Variants in ANKRD36 observed in about 807,000 individuals in gnomAD.
The protein encoded by ANKRD36 is ankyrin repeat domain 36.
A neutral mutation model predicts 278.1 loss-of-function variants in ANKRD36; 179 were observed. That is an observed-to-expected ratio of 0.64 (90% CI 0.57 to 0.73). ANKRD36 has a LOEUF of 0.73. Among genes scored for constraint, ANKRD36 ranks in the 30% least tolerant of loss-of-function variants. The pLI, the probability that ANKRD36 is intolerant of heterozygous loss-of-function variation, is 0.00. For synonymous variants in ANKRD36, 320 were observed against 641.1 expected (o/e 0.50, Z 7.57); for missense variants, 1,159 against 1,956.7 (o/e 0.59, Z 7.69).
At position 97,113,875 on chromosome 2, in the gene ANKRD36, G is replaced by T; in HGVS notation, c.136G>T (p.Glu46Ter). 6.2e-7 allele frequency: 1 copy of T among 1,613,174 alleles called. No individual in the cohort carries two copies. The highest frequency in any genetic ancestry group is 8.5e-7 in the Non-Finnish European group (1 of 1,180,000). ...IHRAVLHGNL[E>*]KLKYLLLTYY... ...CAGAGCTGTCTTACATGGTAATCTA[G>T]AGAAACTGAAGTACCTTCTGCTCAC... Residue 46 changes from glutamate (E) to a stop codon, truncating the protein, a stop_gained, in exon 1 of 76, where the codon GAG (glutamate) becomes TAG (stop). Transcript: ENST00000420699. LOFTEE classifies it high-confidence loss of function.
chr2:97,183,424 C>T (rs1323289618), intron 26 of ANKRD36, 35 bp from the exon 27 acceptor site: 6 of 1,531,888 alleles, frequency 3.9e-6, no homozygotes, highest in South Asian at 2.4e-5. Context: ...GTCATATTTA[C>T]ATATGATGGA....
chr2:97,209,939 A>C (rs2063942856), intron 56 of ANKRD36, 67 bp downstream of exon 56: 5 of 1,520,028 alleles, frequency 3.3e-6, no homozygotes, highest in Non-Finnish European at 4.4e-6. Context: ...TTCCCTGAAT[A>C]AATCAGCGGA....
At chr2:97,199,771 T>G (rs2060797538) in intron 44 of ANKRD36, among the ~76,000 whole-genome samples, 1 of 151,892 alleles carries the variant, frequency 6.6e-6, no homozygotes, top group African/African-American at 2.4e-5. Flanking sequence ...ATAATGAATA[T>G]TATGTACTAG....
chr2:97,243,348 A>G (rs1288175116), intron 69 of ANKRD36, among the ~76,000 whole-genome samples: 81 of 136,056 alleles, frequency 6.0e-4, no homozygotes, highest in African/African-American at 1.9e-3. Flanking sequence ...AGTTTATTTG[A>G]AGACCTGGGA....
intron 38 of ANKRD36, among the ~76,000 whole-genome samples, chr2:97,194,430 CA>C (rs1238883597): frequency 6.6e-6 from 1 of 151,620 alleles, no homozygotes; most frequent in Non-Finnish European, 1.5e-5. Flanking sequence ...TTTTAGATCA[CA>C]TTTGTCCTCA....
Position 97,207,832 on chromosome 2 carries a change from G to T in ANKRD36, c.3185G>T (p.Gly1062Val), listed in dbSNP as rs1015241178. ...SRTVSSEKPS[G>V]LKATSAEKDS... ...TCAGTGTCTTCTGAGAAACCATCAGGCTTGAAGGTAATGAAACTGTCATTT... is the reference window on the plus strand; with the variant it reads ...TCAGTGTCTTCTGAGAAACCATCAGTCTTGAAGGTAATGAAACTGTCATTT... The change falls in exon 53 of 76, where the codon GGC (glycine) becomes GTC (valine). Residue 1062 changes from glycine to valine, a missense_variant. Transcript: ENST00000420699. 2.3e-5 allele frequency: 35 copies of T among 1,546,486 alleles called. 1 individual carries two copies. The highest frequency in any genetic ancestry group is 7.9e-5 in the Admixed American group (4 of 50,922).
At position 97,179,638 on chromosome 2, in the gene ANKRD36, G is replaced by T. The variant is rs549545553; in HGVS notation, c.1634-100G>T. On this transcript the variant is annotated intron_variant, in intron 22 of 75. Transcript: ENST00000420699. Reference sequence around the variant, plus strand: ...TCAAAGCCTACAGTAATACAGGCAGGAGTACAAAACTTGATGCTAACATGC... The same window carrying T: ...TCAAAGCCTACAGTAATACAGGCAGTAGTACAAAACTTGATGCTAACATGC... The T allele has an allele frequency of 4.1e-5, 61 of 1,480,614 alleles. 1 individual carries two copies. In the African/African-American group the frequency reaches 6.0e-4, roughly 15 times the overall value. The allele number at this position is 1,480,614 out of a possible 1,614,324, so 91.7% of individuals were successfully genotyped here.
rs578053559 is a variant in ANKRD36 at position 97,152,600 on chromosome 2, A to T, written c.1193+66A>T. On this transcript the variant is annotated intron_variant, in intron 14 of 75. Coordinates refer to ENST00000420699, the MANE Select transcript of ANKRD36 (RefSeq NM_001354587.1). ...GTGAATAGAGAGAAGAGAAACTAGT[A>T]TTTGTTTAGTATTCTACTCTGTGCT... 8.8e-5 allele frequency: 118 copies of T among 1,344,256 alleles called. 6 individuals carry two copies. Among genetic ancestry groups the T allele is most frequent in the Admixed American group, 5.1e-4 (24 of 46,622 alleles). 83.3% of individuals were successfully genotyped at this position (1,344,256 alleles called of 1,614,324 possible).
chr2:97,184,737 C>T (rs1399120649), intron 28 of ANKRD36, among the ~76,000 whole-genome samples: 1 of 151,688 alleles, frequency 6.6e-6, no homozygotes, highest in Non-Finnish European at 1.5e-5. Context: ...TATTCCACCA[C>T]ATGTGTATGA....
chr2:97,193,331 C>T (rs1338604482), intron 38 of ANKRD36, among the ~76,000 whole-genome samples: 1 of 135,830 alleles, frequency 7.4e-6, no homozygotes, highest in East Asian at 2.0e-4. Flanking sequence ...CATAATTTTA[C>T]TTTAATTCTC....
At chr2:97,154,355 A>G (rs2046917234) in intron 14 of ANKRD36, among the ~76,000 whole-genome samples, 1 of 148,916 alleles carries the variant, frequency 6.7e-6, no homozygotes, top group South Asian at 2.1e-4. Flanking sequence ...AGGGTAGATA[A>G]TTTATAAGGA....
intron 40 of ANKRD36, among the ~76,000 whole-genome samples, chr2:97,196,027 A>G (rs768951126): frequency 1.4e-4 from 22 of 151,936 alleles, no homozygotes; most frequent in Admixed American, 3.9e-4. Flanking sequence ...AGAGATAATG[A>G]ATATTATGTA....
intron 38 of ANKRD36, 21 bp from the exon 39 acceptor site, chr2:97,194,705 T>A (rs764596086): frequency 2.7e-5 from 44 of 1,604,362 alleles, no homozygotes; most frequent in Non-Finnish European, 3.0e-5. Flanking sequence ...TGAGTGATTA[T>A]GTATCCCTTT....
At chr2:97,135,938 A>AT (rs1342329271) in intron 6 of ANKRD36, among the ~76,000 whole-genome samples, 1 of 151,698 alleles carries the variant, frequency 6.6e-6, no homozygotes, top group African/African-American at 2.4e-5. Context: ...CTTCAACCCC[A>AT]TTTTCTGTCA....
chr2:97,196,839 G>A, intron 42 of ANKRD36, 51 bp downstream of exon 42: 1 of 1,541,114 alleles, frequency 6.5e-7, no homozygotes, highest in Non-Finnish European at 8.7e-7. Flanking sequence ...TAGATAAGAA[G>A]TTCTCTTCCC....
chr2:97,202,503 A>C, intron 48 of ANKRD36, 110 bp downstream of exon 48: 3 of 1,472,738 alleles, frequency 2.0e-6, no homozygotes, highest in Non-Finnish European at 2.7e-6. Flanking sequence ...CTGATTCAGC[A>C]GGCTGGAGAT....
intron 64 of ANKRD36, among the ~76,000 whole-genome samples, chr2:97,218,168 A>G (rs1310403494): frequency 2.9e-4 from 44 of 150,088 alleles, no homozygotes; most frequent in African/African-American, 9.5e-4. Context: ...CTATTTAATG[A>G]AAATTCTTTA....
At chr2:97,123,957 T>TTATATATA (rs58038395) in intron 4 of ANKRD36, among the ~76,000 whole-genome samples, 3,128 of 141,664 alleles carry the variant, frequency 0.022, 52 homozygotes, top group African/African-American at 0.026. Context: ...TCCTCCATAT[T>TTATATATA]TATATATATA....
chr2:97,186,666 C>A (rs2057465539), intron 30 of ANKRD36, among the ~76,000 whole-genome samples: 1 of 151,750 alleles, frequency 6.6e-6, no homozygotes, highest in South Asian at 2.1e-4. Context: ...TATATCCAAG[C>A]TGATCAATTT....
Sources: gnomAD v4.1 joint callset for allele counts (sites outside exome capture counted in the v4.1 genomes callset) on GRCh38, gnomAD v4.1.1 for gene constraint, MANE v1.5 for transcripts, NCBI Gene and HGNC (gene_info 2026-07-23, HGNC 2026-07-21) for gene names.